PACS2: variants seen among roughly 807,000 people sequenced by gnomAD.
PACS2 encodes the protein phosphofurin acidic cluster sorting protein 2.
PACS2 carries 36 observed loss-of-function variants against 113.0 expected under a neutral mutation model. The observed-to-expected ratio is 0.32, with a 90% CI of 0.24 to 0.42. The LOEUF is 0.42. PACS2 is among the 10% of genes least tolerant of loss of function. The pLI, the probability that PACS2 is intolerant of heterozygous loss-of-function variation, is 1.00. For missense variants in PACS2, 1,015 were observed against 1,239.5 expected (o/e 0.82, Z 2.72); for synonymous variants, 589 against 536.1 (o/e 1.10, Z -1.36).
chr14:105,382,132 A>G, intron 13 of PACS2, 74 bp downstream of exon 13: 7 of 1,449,906 alleles, frequency 4.8e-6, no homozygotes, highest in Non-Finnish European at 6.4e-6. Flanking sequence ...AGCAGGGCAA[A>G]AAGAGAAGCA....
At chr14:105,305,870 C>T (rs2058172330) in intron 1 of PACS2, among the ~76,000 whole-genome samples, 1 of 152,382 alleles carries the variant, frequency 6.6e-6, no homozygotes, top group Non-Finnish European at 1.5e-5. Context: ...CCTCTGTACT[C>T]CTCATTCAGC....
chr14:105,301,840 T>C (rs1279886976), intron 1 of PACS2, among the ~76,000 whole-genome samples: 1 of 152,138 alleles, frequency 6.6e-6, no homozygotes, highest in Non-Finnish European at 1.5e-5. Flanking sequence ...GGAATGAGCC[T>C]AAAAAGAAAT....
intron 1 of PACS2, among the ~76,000 whole-genome samples, chr14:105,339,595 C>T (rs1299640068): frequency 1.3e-5 from 2 of 149,578 alleles, no homozygotes; most frequent in East Asian, 4.0e-4. Flanking sequence ...CTTTGGGAGG[C>T]TGAAGGGAGA....
chr14:105,310,242 C>T (rs1285452065), upstream of PACS2, among the ~76,000 whole-genome samples: 2 of 151,530 alleles, frequency 1.3e-5, no homozygotes, highest in Admixed American at 6.6e-5. Context: ...AGAATGTTAC[C>T]CTAGTGAGCC....
intron 16 of PACS2, chr14:105,383,867 T>G (rs1266294144): frequency 3.3e-6 from 1 of 306,332 alleles, no homozygotes; most frequent in Non-Finnish European, 6.1e-6. Context: ...ATTTCCAAAG[T>G]CAGAAGTGCA....
chr14:105,391,833 A>T, intron 22 of PACS2, 67 bp downstream of exon 22: 3 of 1,452,144 alleles, frequency 2.1e-6, no homozygotes, highest in South Asian at 2.5e-5. Context: ...TGATTCAGTC[A>T]TCCTCCCCTA....
chr14:105,369,593 C>T (rs2061074932), intron 7 of PACS2, among the ~76,000 whole-genome samples: 1 of 152,212 alleles, frequency 6.6e-6, no homozygotes, highest in South Asian at 2.1e-4. Context: ...GCTGCAGAGG[C>T]TTCTGGAAGA....
rs1025257874 is a variant in PACS2 at position 105,317,448 on chromosome 14, A to G, written c.119+2411A>G. ...TGTGCCTGCTCCGGCCCCCACTGAC[A>G]GGGACGAGAGTCCCCACTGCTCCAC... On this transcript the variant is annotated intron_variant, in intron 1 of 24. Coordinates refer to ENST00000447393, the MANE Select transcript of PACS2 (RefSeq NM_001100913.3). The surrounding 1 kb of genome is among the most constrained non-coding windows in gnomAD (Gnocchi z 4.2). 6.6e-6 allele frequency among the ~76,000 whole-genome samples: 1 copy of G among 152,204 alleles called. No homozygotes were observed. The highest frequency in any genetic ancestry group is 1.5e-5 in the Non-Finnish European group (1 of 68,030).
At chr14:105,343,216 G>GT (rs1426469082) in intron 1 of PACS2, among the ~76,000 whole-genome samples, 1 of 152,158 alleles carries the variant, frequency 6.6e-6, no homozygotes, top group East Asian at 1.9e-4. Context: ...ATCCTATCAC[G>GT]TATCGATCTG....
At chr14:105,392,218 G>A (rs1595190895) in intron 22 of PACS2, 1 of 329,786 alleles carries the variant, frequency 3.0e-6, no homozygotes, top group East Asian at 7.7e-5. Context: ...CCTGAGGCCA[G>A]GCGTGGTGCT....
chr14:105,343,711 T>A (rs2059818164), intron 1 of PACS2, among the ~76,000 whole-genome samples: 1 of 151,914 alleles, frequency 6.6e-6, no homozygotes, highest in Non-Finnish European at 1.5e-5. Flanking sequence ...TTTTTTTTTT[T>A]TTGAGATGGA....
Position 105,317,875 on chromosome 14 carries a change from C to T in PACS2, c.119+2838C>T, listed in dbSNP as rs2058734984. On this transcript the variant is annotated intron_variant, in intron 1 of 24. Coordinates refer to ENST00000447393, the MANE Select transcript of PACS2 (RefSeq NM_001100913.3). This position sits in a 1 kb window ranked among gnomAD's most constrained non-coding sequence, Gnocchi z 4.2. ...CCCCCGGGAGCTTGAACTGGGCATG[C>T]TGGGCTGTTGTTGGGGAGGCCTGTG... Among the ~76,000 whole-genome samples, 1 of 152,128 alleles carries T rather than the reference C, an allele frequency of 6.6e-6. No homozygotes were observed. Among genetic ancestry groups the T allele is most frequent in the Non-Finnish European group, 1.5e-5 (1 of 68,012 alleles).
Position 105,352,373 on chromosome 14 carries a change from C to T in PACS2, c.208-5C>T. 1.2e-6 allele frequency: 2 copies of T among 1,603,952 alleles called. No homozygotes were observed. Among genetic ancestry groups the T allele is most frequent in the Non-Finnish European group, 1.7e-6 (2 of 1,170,946 alleles). ...TGAGCTAGAACAGGTCTTGCTTAAT[C>T]ACAGGGCTCCAAACGAATCCTGCGG... On this transcript the variant is annotated splice_polypyrimidine_tract_variant and splice_region_variant and intron_variant, in intron 2 of 24. Transcript: ENST00000447393.
At position 105,323,284 on chromosome 14, in the gene PACS2, T is replaced by A. The variant is rs990987925; in HGVS notation, c.119+8247T>A. On this transcript the variant is annotated intron_variant, in intron 1 of 24. Transcript: ENST00000447393. This position sits in a 1 kb window ranked among gnomAD's most constrained non-coding sequence, Gnocchi z 4.1. ...CTGGAGCAACAATTGGACGTGTTGC[T>A]CTTCCTGCCGGATCCTCCACATCCA... 6.6e-6 allele frequency among the ~76,000 whole-genome samples: 1 copy of A among 152,218 alleles called. No homozygotes were observed. Among genetic ancestry groups the A allele is most frequent in the Non-Finnish European group, 1.5e-5 (1 of 68,040 alleles).
chr14:105,327,386 C>T (rs997623286), intron 1 of PACS2, among the ~76,000 whole-genome samples: 9 of 152,210 alleles, frequency 5.9e-5, no homozygotes, highest in African/African-American at 2.2e-4. Context: ...GCCTGAGGGG[C>T]GGGGACCTTG....
At position 105,366,990 on chromosome 14, in the gene PACS2, G is replaced by A. The variant is rs8010769; in HGVS notation, c.424-223G>A. Among the ~76,000 whole-genome samples the A allele has an allele frequency of 0.024, 3,698 of 152,098 alleles. 177 individuals are homozygous for A. The highest frequency in any genetic ancestry group is 0.085 in the African/African-American group (3,532 of 41,444). On this transcript the variant is annotated intron_variant, in intron 4 of 24. Transcript: ENST00000447393. This position sits in a 1 kb window ranked among gnomAD's most constrained non-coding sequence, Gnocchi z 4.3. The stretch of plus-strand genomic sequence containing the variant: ...GTGAAAGCTCCCACGTGTTCCTCTC[G>A]TCTGTCCGCCTGGCTCCTGTGTCCT...
In PACS2 at chr14:105,315,812, A is replaced by G. The variant is rs1426780300; in HGVS notation, c.119+775A>G. On this transcript the variant is annotated intron_variant, in intron 1 of 24. Coordinates refer to ENST00000447393, the MANE Select transcript of PACS2 (RefSeq NM_001100913.3). The surrounding 1 kb of genome is among the most constrained non-coding windows in gnomAD (Gnocchi z 4.4). ...CGTGACTTGGTAGTTCCTGCTCAGGAAGCTCCCAGGCTAAGGAGGAGAGAG... is the reference window on the plus strand; with the variant it reads ...CGTGACTTGGTAGTTCCTGCTCAGGGAGCTCCCAGGCTAAGGAGGAGAGAG... 6.6e-6 allele frequency among the ~76,000 whole-genome samples: 1 copy of G among 152,198 alleles called. No individual in the cohort carries two copies. The highest frequency in any genetic ancestry group is 1.5e-5 in the Non-Finnish European group (1 of 68,036).
At position 105,319,093 on chromosome 14, in the gene PACS2, G is replaced by A. The variant is rs146595356; in HGVS notation, c.119+4056G>A. ...CTCCTGAGTAGTTGGGACTACAGGC[G>A]TGCACCACCACGCCCAGCTAATTTC... On this transcript the variant is annotated intron_variant, in intron 1 of 24. Transcript: ENST00000447393. Among the ~76,000 whole-genome samples, 23 of 151,896 alleles carry A rather than the reference G, an allele frequency of 1.5e-4. No homozygotes were observed. In the East Asian group the frequency reaches 3.1e-3, roughly 20 times the overall value.
chr14:105,364,695 CTTT>C (rs1166883985), intron 4 of PACS2, among the ~76,000 whole-genome samples: 1 of 126,068 alleles, frequency 7.9e-6, no homozygotes, highest in Non-Finnish European at 1.7e-5. Flanking sequence ...ATTTTCTTTT[CTTT>C]TTTTTTTTTT....
Sources: gnomAD v4.1 joint callset for allele counts (sites outside exome capture counted in the v4.1 genomes callset) on GRCh38, gnomAD v4.1.1 for gene constraint, Gnocchi (gnomAD v3.1) non-coding constraint, MANE v1.5 for transcripts, NCBI Gene and HGNC (gene_info 2026-07-23, HGNC 2026-07-21) for gene names.